Variants in ERC2 observed in about 807,000 individuals in gnomAD.
ERC2 encodes ERC protein 2.
Under a neutral mutation model 114.8 loss-of-function variants are expected in ERC2, and 42 were observed. That is an observed-to-expected ratio of 0.37 (90% CI 0.29 to 0.47). The LOEUF is 0.47. Ranked by LOEUF, ERC2 falls within the 20% of genes least tolerant of loss-of-function variation. The pLI is 0.99. For synonymous variants in ERC2, 454 were observed against 425.5 expected (o/e 1.07, Z -0.82); for missense variants, 939 against 1,150.7 (o/e 0.82, Z 2.66).
intron 17 of ERC2, among the ~76,000 whole-genome samples, chr3:55,611,310 T>C (rs1457904582): frequency 6.6e-6 from 1 of 152,192 alleles, no homozygotes; most frequent in South Asian, 2.1e-4. Flanking sequence ...GTCCTCTCCG[T>C]GAGCTAATTA....
intron 7 of ERC2, among the ~76,000 whole-genome samples, chr3:56,060,730 C>A (rs1299747819): frequency 6.6e-6 from 1 of 152,192 alleles, no homozygotes; most frequent in South Asian, 2.1e-4. Context: ...TCCCAATGGA[C>A]CCTGTTCCAT....
chr3:55,861,684 G>T (rs1056549833), intron 14 of ERC2, among the ~76,000 whole-genome samples: 2 of 151,838 alleles, frequency 1.3e-5, no homozygotes, highest in East Asian at 3.9e-4. Context: ...TAGGCAAATC[G>T]ACTATGTACC....
chr3:55,845,134 C>T (rs1239339852), intron 14 of ERC2, among the ~76,000 whole-genome samples: 6 of 152,154 alleles, frequency 3.9e-5, no homozygotes, highest in Admixed American at 6.5e-5. Context: ...TCATCTCCTG[C>T]TGTGCAACCT....
chr3:55,616,964 G>C (rs982660098), intron 17 of ERC2, among the ~76,000 whole-genome samples: 1 of 152,270 alleles, frequency 6.6e-6, no homozygotes, highest in Non-Finnish European at 1.5e-5. Context: ...GGAGTTAGGC[G>C]TTACTCCAAC....
In ERC2 at chr3:55,511,069, C is replaced by T. The variant is rs2052033843; in HGVS notation, c.*247G>A. On this transcript the variant is annotated 3_prime_UTR_variant, in exon 18 of 18. Transcript: ENST00000288221. ...CCTCCTCTGCATTCTTCCTTTCCAT[C>T]ATAACCAAATCCATGAGAAATGACA... 1 of 152,598 alleles carries T rather than the reference C, an allele frequency of 6.6e-6. No homozygotes were observed. The highest frequency in any genetic ancestry group is 1.5e-5 in the Non-Finnish European group (1 of 68,052). 9.5% of individuals were successfully genotyped at this position (152,598 alleles called of 1,614,324 possible).
rs761908705 is a variant in ERC2, at chr3:56,434,634, G to C, written c.374C>G (p.Thr125Ser). 1 of 1,613,984 alleles carries C rather than the reference G, an allele frequency of 6.2e-7. No individual in the cohort carries two copies. Among genetic ancestry groups the C allele is most frequent in the Admixed American group, 1.7e-5 (1 of 60,018 alleles). Residue 125 changes from threonine to serine, a missense_variant, in exon 2 of 18, where the codon ACT (threonine) becomes AGT (serine). Around this residue, in one of 5 missense-constraint regions of ERC2, gnomAD observed 281 missense variants for 307.4 expected, o/e 0.91. Coordinates refer to ENST00000288221, the MANE Select transcript of ERC2 (RefSeq NM_015576.3). ...GTGGTGGTGATGATGGGATGAGCCA[G>C]TCAGCCCACCATGTTGATCTGTGTA... is the stretch of plus-strand genomic sequence containing the variant. The part of the protein sequence containing the change: ...LSYTDQHGGL[T>S]GSSHHHHHQV...
intron 15 of ERC2, among the ~76,000 whole-genome samples, chr3:55,705,168 G>A (rs1024638559): frequency 6.6e-6 from 1 of 152,116 alleles, no homozygotes; most frequent in Non-Finnish European, 1.5e-5. Flanking sequence ...AGAAGGGTAT[G>A]GTTTAAATGG....
At chr3:56,398,183 T>C (rs2060384889) in intron 2 of ERC2, among the ~76,000 whole-genome samples, 1 of 152,240 alleles carries the variant, frequency 6.6e-6, no homozygotes, top group African/African-American at 2.4e-5. Context: ...TGCTGTGAAA[T>C]TTAATCAAAG....
intron 14 of ERC2, among the ~76,000 whole-genome samples, chr3:55,860,381 C>T (rs370314756): frequency 3.3e-5 from 5 of 152,288 alleles, no homozygotes; most frequent in East Asian, 1.9e-4. Context: ...ATGTGCACCC[C>T]CCGCCTCATC....
At chr3:55,912,127 T>C (rs1357017683) in intron 13 of ERC2, among the ~76,000 whole-genome samples, 1 of 152,182 alleles carries the variant, frequency 6.6e-6, no homozygotes, top group Non-Finnish European at 1.5e-5. Context: ...AAAGAACCGG[T>C]ATAAATATTG....
At chr3:55,789,631 G>A (rs1311191553) in intron 14 of ERC2, among the ~76,000 whole-genome samples, 1 of 152,162 alleles carries the variant, frequency 6.6e-6, no homozygotes, top group Non-Finnish European at 1.5e-5. Flanking sequence ...CATTTTGTGG[G>A]GTTATGTCAG....
At chr3:55,544,827 G>T (rs960081560) in intron 17 of ERC2, among the ~76,000 whole-genome samples, 1 of 152,136 alleles carries the variant, frequency 6.6e-6, no homozygotes, top group Non-Finnish European at 1.5e-5. Context: ...CCGTGCTAGG[G>T]CTGTTACCTC....
At chr3:56,292,760 A>G (rs2055177425) in intron 3 of ERC2, among the ~76,000 whole-genome samples, 1 of 152,046 alleles carries the variant, frequency 6.6e-6, no homozygotes. Context: ...AACAGCACCT[A>G]CCTCCTAGGC....
At chr3:55,727,021 C>G (rs2064964683) in intron 15 of ERC2, among the ~76,000 whole-genome samples, 1 of 152,210 alleles carries the variant, frequency 6.6e-6, no homozygotes, top group South Asian at 2.1e-4. Flanking sequence ...GTGTGTATCA[C>G]TACTTCAGCA....
intron 3 of ERC2, among the ~76,000 whole-genome samples, chr3:56,255,597 G>A (rs943835134): frequency 4.6e-5 from 7 of 152,074 alleles, no homozygotes; most frequent in African/African-American, 1.2e-4. Context: ...AGATACTTTC[G>A]AGAAATTTCT....
At chr3:55,567,270 T>A (rs142765620) in intron 17 of ERC2, among the ~76,000 whole-genome samples, 47 of 152,118 alleles carry the variant, frequency 3.1e-4, no homozygotes, top group Non-Finnish European at 4.6e-4. Flanking sequence ...CATGTGACAA[T>A]CTGGAGGTAA....
chr3:56,456,805 G>A (rs1379184076), intron 1 of ERC2, among the ~76,000 whole-genome samples: 1 of 152,186 alleles, frequency 6.6e-6, no homozygotes, highest in Non-Finnish European at 1.5e-5. Context: ...TACAAATATG[G>A]TGATGCTGAT....
At chr3:56,306,773 G>A (rs1275651859) in intron 2 of ERC2, among the ~76,000 whole-genome samples, 1 of 152,186 alleles carries the variant, frequency 6.6e-6, no homozygotes, top group Non-Finnish European at 1.5e-5. Flanking sequence ...CCCAGACTCT[G>A]GAGCCAGGCT....
chr3:55,576,904 C>G (rs1483693672), intron 17 of ERC2, among the ~76,000 whole-genome samples: 1 of 152,274 alleles, frequency 6.6e-6, no homozygotes, highest in Non-Finnish European at 1.5e-5. Context: ...GTGGCCTTTC[C>G]TGAGCCCTGT....
Sources: allele counts gnomAD v4.1 joint callset (sites outside exome capture counted in the v4.1 genomes callset), GRCh38; gene constraint gnomAD v4.1.1; regional missense constraint gnomAD v4.1.1; transcripts MANE v1.5; gene names NCBI Gene and HGNC (gene_info 2026-07-23, HGNC 2026-07-21).